Variants in PDIA5 observed in about 807,000 individuals in gnomAD.
The protein encoded by PDIA5 is protein disulfide-isomerase A5.
A neutral mutation model predicts 77.6 loss-of-function variants in PDIA5; 58 were observed. The ratio of observed to expected loss-of-function variants is 0.75; its 90% CI spans 0.61 to 0.93. The LOEUF is 0.93. Among genes scored for constraint, PDIA5 ranks in the 40% least tolerant of loss-of-function variants. The pLI, the probability that PDIA5 is intolerant of heterozygous loss-of-function variation, is 0.00. For missense variants in PDIA5, 630 were observed against 647.7 expected, an observed-to-expected ratio of 0.97 and a Z score of 0.30; for synonymous variants, 250 against 252.1, an observed-to-expected ratio of 0.99 and a Z score of 0.08.
Position 123,139,025 on chromosome 3 carries a change from C to G in PDIA5, c.911-6497C>G, listed in dbSNP as rs373221998. ...GACGAATCCGAGGGCTTTGGGTTGACAGGAAGCCAACATTCCCACAGCCAG... is the reference window on the plus strand; with the variant it reads ...GACGAATCCGAGGGCTTTGGGTTGAGAGGAAGCCAACATTCCCACAGCCAG... On this transcript the variant is annotated intron_variant, in intron 11 of 16. Coordinates refer to ENST00000316218, the MANE Select transcript of PDIA5 (RefSeq NM_006810.4). Among the ~76,000 whole-genome samples the G allele has an allele frequency of 1.7e-4, 26 of 152,330 alleles. No individual in the cohort carries two copies. The East Asian group carries it at 1.9e-3, about 11-fold the overall frequency.
Position 123,107,000 on chromosome 3 carries a change from C to T in PDIA5, c.480+159C>T, listed in dbSNP as rs576167266. On this transcript the variant is annotated intron_variant, in intron 6 of 16. Coordinates refer to ENST00000316218, the MANE Select transcript of PDIA5 (RefSeq NM_006810.4). ...AGGCCAGGACCCTAATATTTGACTCCCCTTCCCAGCTCCATGTTGTAACCA... is the reference window on the plus strand; with the variant it reads ...AGGCCAGGACCCTAATATTTGACTCTCCTTCCCAGCTCCATGTTGTAACCA... 1.2e-4 allele frequency among the ~76,000 whole-genome samples: 18 copies of T among 152,296 alleles called. 1 individual carries two copies. Among genetic ancestry groups the T allele is most frequent in the African/African-American group, 3.6e-4 (15 of 41,554 alleles).
rs373122897 is a variant in PDIA5 at position 123,125,465 on chromosome 3, C to T, written c.773+1122C>T. On this transcript the variant is annotated intron_variant, in intron 10 of 16. Coordinates refer to ENST00000316218, the MANE Select transcript of PDIA5 (RefSeq NM_006810.4). Reference sequence around the variant, plus strand: ...CGCCACCAACCCAGCTCCCTGCAGCCCCGACAGTCCAACTTAGCCTCCTCA... The same window carrying T: ...CGCCACCAACCCAGCTCCCTGCAGCTCCGACAGTCCAACTTAGCCTCCTCA... Among the ~76,000 whole-genome samples, 133 of 152,292 alleles carry T rather than the reference C, an allele frequency of 8.7e-4. 1 individual carries two copies. Among genetic ancestry groups the T allele is most frequent in the South Asian group, 3.1e-3 (15 of 4,828 alleles).
chr3:123,160,954 G>C (rs1018415161), intron 15 of PDIA5, among the ~76,000 whole-genome samples: 6 of 152,154 alleles, frequency 3.9e-5, no homozygotes, highest in Non-Finnish European at 7.3e-5. Flanking sequence ...CTAATGTTCC[G>C]GAAATATTAG....
intron 5 of PDIA5, 99 bp downstream of exon 5, chr3:123,102,895 A>T: frequency 2.6e-6 from 2 of 767,896 alleles, no homozygotes; most frequent in Admixed American, 3.8e-5. Flanking sequence ...CAGATTGCAC[A>T]AATAGCTCTT....
At chr3:123,074,603 G>T (rs933460611) in intron 1 of PDIA5, among the ~76,000 whole-genome samples, 12 of 152,130 alleles carry the variant, frequency 7.9e-5, no homozygotes, top group Admixed American at 7.9e-4. Context: ...AAGTTGTGAT[G>T]AGCATAAATA....
rs1461667785 is a variant in PDIA5 at position 123,074,456 on chromosome 3, G to GAATTACA, written c.42+7253_42+7259dup. On this transcript the variant is annotated intron_variant, in intron 1 of 16. Transcript: ENST00000316218. ...TTAAATGTATAAAGTAAAATGCATA[G>GAATTACA]AATTACAAAGAAAGCAGTTTTATTG... is the stretch of plus-strand genomic sequence containing the variant. Among the ~76,000 whole-genome samples, 33 of 152,256 alleles carry GAATTACA rather than the reference G, an allele frequency of 2.2e-4. 2 individuals carry two copies. Among genetic ancestry groups the GAATTACA allele is most frequent in the Admixed American group, 1.9e-3 (29 of 15,304 alleles).
Position 123,130,456 on chromosome 3 carries a change from C to G in PDIA5, c.774-24C>G, listed in dbSNP as rs940462425. The G allele has an allele frequency of 2.5e-6, 4 of 1,608,696 alleles. No homozygotes were observed. The African/African-American group carries it at 4.0e-5, about 16-fold the overall frequency. ...CCAAGGCCCCAGGGCCTGCTCTGAGCTCTGCCTGTTTTTGGTCTTCCAGTC... is the reference window on the plus strand; with the variant it reads ...CCAAGGCCCCAGGGCCTGCTCTGAGGTCTGCCTGTTTTTGGTCTTCCAGTC... On this transcript the variant is annotated intron_variant, in intron 10 of 16. Transcript: ENST00000316218.
chr3:123,094,801 G>C (rs2107925236), intron 3 of PDIA5, among the ~76,000 whole-genome samples: 1 of 152,342 alleles, frequency 6.6e-6, no homozygotes, highest in Non-Finnish European at 1.5e-5. Context: ...AATGGGCCCT[G>C]CTGAGGCACC....
chr3:123,110,786 G>T (rs1249935553), intron 6 of PDIA5, among the ~76,000 whole-genome samples, 158 bp from the exon 7 acceptor site: 1 of 152,068 alleles, frequency 6.6e-6, no homozygotes, highest in Non-Finnish European at 1.5e-5. Context: ...GCCCCCACCC[G>T]CAAATCAGCT....
In PDIA5 at chr3:123,122,862, G is replaced by T. The variant is rs964835315; in HGVS notation, c.610-1204G>T. ...TCAGCTTCCTGGGTTTCTTCTCTCT[G>T]CTTCTGTAACTACTGCTGGCTTTTT... On this transcript the variant is annotated intron_variant, in intron 8 of 16. Coordinates refer to ENST00000316218, the MANE Select transcript of PDIA5 (RefSeq NM_006810.4). 1.3e-5 allele frequency among the ~76,000 whole-genome samples: 2 copies of T among 152,190 alleles called. 1 individual carries two copies. Among genetic ancestry groups the T allele is most frequent in the Admixed American group, 1.3e-4 (2 of 15,278 alleles).
At chr3:123,106,150 C>T (rs985839851) in intron 5 of PDIA5, among the ~76,000 whole-genome samples, 1 of 152,232 alleles carries the variant, frequency 6.6e-6, no homozygotes, top group Non-Finnish European at 1.5e-5. Context: ...TTGGTGCCCA[C>T]CCTGCCCTGG....
At chr3:123,156,786 A>G (rs1936028415) in intron 15 of PDIA5, among the ~76,000 whole-genome samples, 1 of 151,368 alleles carries the variant, frequency 6.6e-6, no homozygotes, top group Non-Finnish European at 1.5e-5. Context: ...AGCGTGGTCC[A>G]GCTGAGGCAC....
At chr3:123,089,571 G>A (rs572948949) in intron 2 of PDIA5, among the ~76,000 whole-genome samples, 34 of 152,406 alleles carry the variant, frequency 2.2e-4, no homozygotes, top group Admixed American at 2.0e-3. Flanking sequence ...GAGGGCGTGT[G>A]TGAAGTAGGA....
rs55977938 is a variant in PDIA5 at position 123,112,534 on chromosome 3, C to CTTT, written c.541+1554_541+1556dup. ...ACAGCAGCCTTTCCCCAGCCCTATT[C>CTTT]TTTTTTTTTTTTTTTTTTTTTTTTT... On this transcript the variant is annotated intron_variant, in intron 7 of 16. Coordinates refer to ENST00000316218, the MANE Select transcript of PDIA5 (RefSeq NM_006810.4). 1.4e-3 allele frequency among the ~76,000 whole-genome samples: 89 copies of CTTT among 61,484 alleles called. 7 individuals carry two copies. The highest frequency in any genetic ancestry group is 4.3e-3 in the Admixed American group (16 of 3,714). 40.3% of individuals were successfully genotyped at this position (61,484 alleles called of 152,430 possible). A position where few individuals can be genotyped will look rare whatever the true frequency, so the allele number is the denominator to read the frequency against.
intron 11 of PDIA5, among the ~76,000 whole-genome samples, chr3:123,139,192 A>G (rs1478277042): frequency 6.6e-6 from 1 of 152,214 alleles, no homozygotes; most frequent in Non-Finnish European, 1.5e-5. Flanking sequence ...CACAATCAGG[A>G]CACAAAATGC....
At chr3:123,133,891 G>A (rs533215578) in intron 11 of PDIA5, among the ~76,000 whole-genome samples, 2 of 152,336 alleles carry the variant, frequency 1.3e-5, no homozygotes, top group East Asian at 3.9e-4. Context: ...ATATAGGAAA[G>A]TATAGAGAAG....
chr3:123,142,044 T>G (rs1482010326), intron 11 of PDIA5, among the ~76,000 whole-genome samples: 2 of 152,216 alleles, frequency 1.3e-5, no homozygotes, highest in African/African-American at 4.8e-5. Flanking sequence ...TGCATCAGTG[T>G]GGGGAAGGGG....
chr3:123,132,521 G>T (rs1422102073), intron 11 of PDIA5, among the ~76,000 whole-genome samples: 1 of 152,222 alleles, frequency 6.6e-6, no homozygotes, highest in Admixed American at 6.5e-5. Flanking sequence ...CTCTAGTCTT[G>T]TGGGCCTCTC....
intron 15 of PDIA5, among the ~76,000 whole-genome samples, chr3:123,158,021 G>T (rs762375526): frequency 6.6e-6 from 1 of 152,210 alleles, no homozygotes. Flanking sequence ...CTGGAATCTG[G>T]CCATGACATG....
Sources: allele counts gnomAD v4.1 joint callset (sites outside exome capture counted in the v4.1 genomes callset), GRCh38; gene constraint gnomAD v4.1.1; transcripts MANE v1.5; gene names NCBI Gene and HGNC (gene_info 2026-07-23, HGNC 2026-07-21).